EPRS1: variants seen among roughly 807,000 people sequenced by gnomAD.
EPRS1 encodes the protein bifunctional glutamate/proline--tRNA ligase.
EPRS1 carries 107 observed loss-of-function variants against 188.3 expected under a neutral mutation model. The ratio of observed to expected loss-of-function variants is 0.57; its 90% CI spans 0.49 to 0.67. The LOEUF (loss-of-function observed/expected upper bound fraction) is 0.67. Among genes scored for constraint, EPRS1 ranks in the 30% least tolerant of loss-of-function variants. The pLI is 0.00. For missense variants in EPRS1, 1,577 were observed against 1,802.2 expected (o/e 0.88, Z 2.26); for synonymous variants, 596 against 593.1 (o/e 1.00, Z -0.07).
chr1:219,993,764 C>T (rs1197693610), intron 18 of EPRS1, among the ~76,000 whole-genome samples: 1 of 152,194 alleles, frequency 6.6e-6, no homozygotes, highest in East Asian at 1.9e-4. Context: ...CCACTGTCAC[C>T]ACCTCTCAAG....
At chr1:220,046,075 C>G (rs912701473) in intron 1 of EPRS1, among the ~76,000 whole-genome samples, 9 of 152,160 alleles carry the variant, frequency 5.9e-5, no homozygotes, top group African/African-American at 1.9e-4. Flanking sequence ...GAAAAAGATC[C>G]GAAGCGGAGT....
In EPRS1 at chr1:220,019,128, A is replaced by G. The variant is rs1420297204; in HGVS notation, c.1350-49T>C. The G allele has an allele frequency of 7.3e-6, 8 of 1,090,342 alleles. No homozygotes were observed. The South Asian group carries it at 1.0e-4, about 14-fold the overall frequency. 67.5% of individuals were successfully genotyped at this position (1,090,342 alleles called of 1,614,324 possible). On this transcript the variant is annotated intron_variant, in intron 10 of 31. Coordinates refer to ENST00000366923, the MANE Select transcript of EPRS1 (RefSeq NM_004446.3). Reference sequence around the variant, plus strand: ...ACCAAGGAAATTTTGTAATGTGTAGATGTGGAGAGTAGAAGATACTTAATC... The same window carrying G: ...ACCAAGGAAATTTTGTAATGTGTAGGTGTGGAGAGTAGAAGATACTTAATC...
At chr1:219,994,144 T>C (rs1661178158) in intron 18 of EPRS1, among the ~76,000 whole-genome samples, 1 of 152,216 alleles carries the variant, frequency 6.6e-6, no homozygotes, top group African/African-American at 2.4e-5. Context: ...CCGAAGCCAC[T>C]GTCTGTGTGG....
At chr1:220,035,970 T>C (rs2647453) in intron 2 of EPRS1, among the ~76,000 whole-genome samples, 98,453 of 151,324 alleles carry the variant, frequency 0.65, 33,216 homozygotes, top group Non-Finnish European at 0.76. Flanking sequence ...GAGGCCGAGG[T>C]GGACAGATCA....
chr1:220,011,108 C>A (rs754836073), intron 12 of EPRS1, 52 bp from the exon 13 acceptor site: 2 of 1,043,496 alleles, frequency 1.9e-6, no homozygotes, highest in South Asian at 2.6e-5. Flanking sequence ...TATAGAGCGC[C>A]ATAAGCAAAA....
At chr1:219,996,396 C>G (rs1367720606) in intron 18 of EPRS1, among the ~76,000 whole-genome samples, 1 of 152,196 alleles carries the variant, frequency 6.6e-6, no homozygotes, top group Non-Finnish European at 1.5e-5. Flanking sequence ...GTCCTCTACA[C>G]CAGGAGTTCT....
rs1324791651 is a variant in EPRS1, at chr1:219,992,359, TAG to T, written c.2542-3538_2542-3537del. ...CCCTCCACATAGACTGGGTATGGCA[TAG>T]AGAGAGAACATTAGTGACAAAACAA... On this transcript the variant is annotated intron_variant, in intron 18 of 31. Transcript: ENST00000366923. Among the ~76,000 whole-genome samples the T allele has an allele frequency of 2.0e-5, 3 of 152,216 alleles. No individual in the cohort carries two copies. In the South Asian group the frequency reaches 6.2e-4, roughly 32 times the overall value.
Position 219,981,097 on chromosome 1 carries a change from C to A in EPRS1, c.3454-240G>T, listed in dbSNP as rs184406301. On this transcript the variant is annotated intron_variant, in intron 24 of 31. Coordinates refer to ENST00000366923, the MANE Select transcript of EPRS1 (RefSeq NM_004446.3). ...CATTTTTAGTAGAGATGTGGTTTTG[C>A]CATGTTGCCCAGGCTGGTCTCAAAA... Among the ~76,000 whole-genome samples, 5 of 152,092 alleles carry A rather than the reference C, an allele frequency of 3.3e-5. No homozygotes were observed. The East Asian group carries it at 9.7e-4, about 29-fold the overall frequency.
chr1:220,018,005 T>C, intron 12 of EPRS1: 2 of 482,992 alleles, frequency 4.1e-6, no homozygotes, highest in South Asian at 1.9e-5. Flanking sequence ...TTTCAATGCG[T>C]TTGTATAAGC....
At position 219,968,788 on chromosome 1, in the gene EPRS1, G is replaced by A. The variant is rs770863251; in HGVS notation, c.*18C>T. On this transcript the variant is annotated 3_prime_UTR_variant, in exon 32 of 32. Coordinates refer to ENST00000366923, the MANE Select transcript of EPRS1 (RefSeq NM_004446.3). ...TTAAAAAGTGAGAGGAGTTGAAGAG[G>A]GGGCTTTCGTTCATCCCTCAGTAGC... is the stretch of plus-strand genomic sequence containing the variant. The A allele has an allele frequency of 6.2e-7, 1 of 1,613,004 alleles. No homozygotes were observed.
chr1:220,005,195 C>A, intron 16 of EPRS1, 53 bp downstream of exon 16: 4 of 706,928 alleles, frequency 5.7e-6, no homozygotes, highest in South Asian at 2.5e-5. Flanking sequence ...AAATATTACT[C>A]ACTATAACAA....
chr1:219,979,320 G>T, intron 27 of EPRS1, 98 bp downstream of exon 27: 3 of 859,102 alleles, frequency 3.5e-6, no homozygotes, highest in South Asian at 1.7e-5. Flanking sequence ...AGAGAAATCT[G>T]CCTGAATGAT....
rs768114955 is a variant in EPRS1, at chr1:220,011,091, G to A, written c.1495-35C>T. The A allele has an allele frequency of 3.6e-5, 43 of 1,209,926 alleles. No homozygotes were observed. The Admixed American group carries it at 5.2e-4, about 15-fold the overall frequency. The allele number at this position is 1,209,926 out of a possible 1,614,324, so 74.9% of individuals were successfully genotyped here. ...ATACATCCTCATGTTAAAACACTGC[G>A]ATATCTTATAGAGCGCCATAAGCAA... On this transcript the variant is annotated intron_variant, in intron 12 of 31. Transcript: ENST00000366923.
At chr1:220,018,590 G>GAAAAAA in intron 11 of EPRS1, 82 bp from the exon 12 acceptor site, 1 of 615,278 alleles carries the variant, frequency 1.6e-6, no homozygotes, top group South Asian at 1.9e-5. Context: ...AGCATGTTTA[G>GAAAAAA]AAAAAAAAAA....
chr1:219,987,001 A>G (rs752840292), intron 20 of EPRS1, 141 bp downstream of exon 20: 1 of 860,420 alleles, frequency 1.2e-6, no homozygotes, highest in Non-Finnish European at 1.8e-6. Context: ...GAAAATCAAT[A>G]AATGCTATCT....
intron 12 of EPRS1, among the ~76,000 whole-genome samples, chr1:220,014,246 T>C (rs372028730): frequency 1.3e-5 from 2 of 152,024 alleles, no homozygotes; most frequent in East Asian, 3.9e-4. Flanking sequence ...GAGAATTGCT[T>C]GAACCCAGGA....
chr1:220,038,168 C>T (rs1662223507), intron 2 of EPRS1, among the ~76,000 whole-genome samples: 1 of 151,368 alleles, frequency 6.6e-6, no homozygotes, highest in Admixed American at 6.6e-5. Context: ...CTGCAACCTC[C>T]ACCTCCCGGG....
chr1:220,020,944 G>A lies in EPRS1; in HGVS notation c.1116-723C>T, dbSNP rs190806115. 1.9e-4 allele frequency among the ~76,000 whole-genome samples: 28 copies of A among 149,778 alleles called. No homozygotes were observed. In the East Asian group the frequency reaches 5.5e-3, roughly 29 times the overall value. ...TTTACCCAGGCTAGAGTGCACCGGTGCGATCTCAGCTCAGTGCAACCTCCG... is the reference window on the plus strand; with the variant it reads ...TTTACCCAGGCTAGAGTGCACCGGTACGATCTCAGCTCAGTGCAACCTCCG... On this transcript the variant is annotated intron_variant, in intron 9 of 31. Coordinates refer to ENST00000366923, the MANE Select transcript of EPRS1 (RefSeq NM_004446.3).
In EPRS1 at chr1:219,983,225, C is replaced by A; in HGVS notation, c.3264G>T (p.Glu1088Asp). The stretch of plus-strand genomic sequence containing the variant: ...AGTCAGCAACATGAGTCTTCTCTTT[C>A]TCTAATGCACTTTGAGACACAAACA... ...FPMFVSQSAL[E>D]KEKTHVADFA... Residue 1088 changes from glutamate to aspartate, a missense_variant, in exon 22 of 32, where the codon GAG (glutamate) becomes GAT (aspartate). Physicochemically the swap from Glu to Asp is conservative, Grantham distance 45. Transcript: ENST00000366923. 1 of 1,614,082 alleles carries A rather than the reference C, an allele frequency of 6.2e-7. No individual in the cohort carries two copies. The highest frequency in any genetic ancestry group is 8.5e-7 in the Non-Finnish European group (1 of 1,179,960).
Sources: gnomAD v4.1 joint callset for allele counts (sites outside exome capture counted in the v4.1 genomes callset) on GRCh38, gnomAD v4.1.1 for gene constraint, MANE v1.5 for transcripts, NCBI Gene and HGNC (gene_info 2026-07-23, HGNC 2026-07-21) for gene names.